PDS5B: variants seen among roughly 807,000 people sequenced by gnomAD.
PDS5B encodes sister chromatid cohesion protein PDS5 homolog B.
Under a neutral mutation model 184.1 loss-of-function variants are expected in PDS5B, and 51 were observed. The observed-to-expected ratio is 0.28, with a 90% CI of 0.22 to 0.35. PDS5B has a LOEUF of 0.35. Ranked by LOEUF, PDS5B falls within the 10% of genes least tolerant of loss-of-function variation. PDS5B has a pLI of 1.00. For synonymous variants in PDS5B, 566 were observed against 569.2 expected, an observed-to-expected ratio of 0.99 and a Z score of 0.08; for missense variants, 1,180 against 1,723.3, an observed-to-expected ratio of 0.68 and a Z score of 5.58.
Position 32,658,340 on chromosome 13 carries a change from G to A in PDS5B, c.399+15G>A, listed in dbSNP as rs200571756. ...ATTTACTTGAGGTAAGCAATATCTT[G>A]TATCTTGAGATGACATTTTAAACTG... On this transcript the variant is annotated intron_variant, in intron 4 of 34. Transcript: ENST00000315596. 9 of 1,429,202 alleles carry A rather than the reference G, an allele frequency of 6.3e-6. No homozygotes were observed. In the East Asian group the frequency reaches 1.6e-4, roughly 25 times the overall value. 88.5% of individuals were successfully genotyped at this position (1,429,202 alleles called of 1,614,324 possible). A position where few individuals can be genotyped will look rare whatever the true frequency, so the allele number is the denominator to read the frequency against.
chr13:32,744,792 G>T (rs1250998098), intron 23 of PDS5B, among the ~76,000 whole-genome samples: 2 of 152,100 alleles, frequency 1.3e-5, no homozygotes, highest in Admixed American at 6.5e-5. Context: ...TACTAATGTT[G>T]GCTAGCATCC....
rs1954764029 is a variant in PDS5B at position 32,770,937 on chromosome 13, T to C, written c.4172+176T>C. 1.3e-5 allele frequency: 8 copies of C among 597,500 alleles called. No homozygotes were observed. The South Asian group carries it at 1.8e-4, about 13-fold the overall frequency. The allele number at this position is 597,500 out of a possible 1,614,324, so 37.0% of individuals were successfully genotyped here. On this transcript the variant is annotated intron_variant, in intron 33 of 34. Transcript: ENST00000315596. ...ATTGATATCTCAATAAACTATCTTG[T>C]ACATTTTTACAGGTGCAGGCAAATC... is the stretch of plus-strand genomic sequence containing the variant.
At chr13:32,765,679 C>T (rs781701726) in intron 31 of PDS5B, among the ~76,000 whole-genome samples, 3 of 152,248 alleles carry the variant, frequency 2.0e-5, no homozygotes, top group Non-Finnish European at 4.4e-5. Flanking sequence ...TCTGGGCTCA[C>T]TGCAACCTCC....
chr13:32,716,625 AGCCCCCCGCCCG>A (rs1566364721), intron 19 of PDS5B, among the ~76,000 whole-genome samples: 1 of 141,400 alleles, frequency 7.1e-6, no homozygotes, highest in African/African-American at 2.6e-5. Context: ...TGGGGGGGTC[AGCCCCCCGCCCG>A]GCCAGCCGCC....
At chr13:32,619,917 G>T (rs2058272074) in intron 1 of PDS5B, among the ~76,000 whole-genome samples, 2 of 152,028 alleles carry the variant, frequency 1.3e-5, no homozygotes, top group African/African-American at 4.8e-5. Flanking sequence ...TCCTGCTTCA[G>T]CCTCCCTCGT....
intron 21 of PDS5B, among the ~76,000 whole-genome samples, chr13:32,739,347 G>A (rs890547262): frequency 3.3e-5 from 5 of 152,018 alleles, no homozygotes; most frequent in Non-Finnish European, 5.9e-5. Flanking sequence ...TCCACAAGAT[G>A]TCTTTCCTTA....
At chr13:32,590,729 C>T (rs2057760984) in intron 1 of PDS5B, among the ~76,000 whole-genome samples, 1 of 152,076 alleles carries the variant, frequency 6.6e-6, no homozygotes. Flanking sequence ...AGGAAAGCTC[C>T]ATATCTCCAA....
chr13:32,598,077 T>C (rs969226631), intron 1 of PDS5B, among the ~76,000 whole-genome samples: 1 of 152,018 alleles, frequency 6.6e-6, no homozygotes, highest in African/African-American at 2.4e-5. Context: ...TAAATCAAAT[T>C]AATTAATTTA....
intron 11 of PDS5B, 109 bp from the exon 12 acceptor site, chr13:32,687,025 T>A: frequency 2.5e-6 from 2 of 795,294 alleles, no homozygotes; most frequent in Non-Finnish European, 4.1e-6. Flanking sequence ...ATCTGAGACT[T>A]AAAAAAATGT....
intron 15 of PDS5B, among the ~76,000 whole-genome samples, chr13:32,699,221 A>G (rs781604867): frequency 1.6e-4 from 24 of 152,232 alleles, no homozygotes; most frequent in Non-Finnish European, 3.2e-4. Flanking sequence ...CCCATGCAGT[A>G]ATGACTTACC....
At chr13:32,652,087 T>G in intron 3 of PDS5B, 80 bp downstream of exon 3, 30 of 949,814 alleles carry the variant, frequency 3.2e-5, no homozygotes, top group Non-Finnish European at 4.5e-5. Context: ...TTAAGGTATT[T>G]AGATGATTTC....
At chr13:32,719,169 A>T (rs1952582055) in intron 19 of PDS5B, among the ~76,000 whole-genome samples, 1 of 152,014 alleles carries the variant, frequency 6.6e-6, no homozygotes, top group African/African-American at 2.4e-5. Context: ...GATGGGTTGG[A>T]TTATTGTTAT....
chr13:32,614,994 A>G (rs1177108321), intron 1 of PDS5B, among the ~76,000 whole-genome samples: 2 of 152,220 alleles, frequency 1.3e-5, no homozygotes, highest in African/African-American at 2.4e-5. Context: ...ACACAAGTTT[A>G]TAAGTGGACA....
intron 1 of PDS5B, among the ~76,000 whole-genome samples, chr13:32,638,372 A>G (rs1045836327): frequency 3.3e-5 from 5 of 152,216 alleles, no homozygotes; most frequent in Non-Finnish European, 4.4e-5. Flanking sequence ...ATTTTTTGCA[A>G]TCTGCTAGTG....
intron 15 of PDS5B, 66 bp from the exon 16 acceptor site, chr13:32,699,664 A>T: frequency 1.2e-6 from 1 of 862,458 alleles, no homozygotes. Context: ...AATGAAAAAT[A>T]TTGACCTATT....
In PDS5B at chr13:32,678,691, T is replaced by G. The variant is rs559239595; in HGVS notation, c.963-144T>G. ...TCAGACATACATGTATATCAGAAAC[T>G]TTGTAAAATGGTTTGGTTCTACTTT... is the stretch of plus-strand genomic sequence containing the variant. On this transcript the variant is annotated intron_variant, in intron 9 of 34. Coordinates refer to ENST00000315596, the MANE Select transcript of PDS5B (RefSeq NM_015032.4). The G allele has an allele frequency of 8.2e-4, 478 of 584,324 alleles. 1 individual carries two copies. The highest frequency in any genetic ancestry group is 4.6e-3 in the Middle Eastern group (10 of 2,196). 36.2% of individuals were successfully genotyped at this position (584,324 alleles called of 1,614,324 possible).
chr13:32,695,634 A>C (rs912446710), intron 14 of PDS5B, among the ~76,000 whole-genome samples: 1 of 152,034 alleles, frequency 6.6e-6, no homozygotes, highest in Non-Finnish European at 1.5e-5. Flanking sequence ...ACATCCAGGT[A>C]GTATGTTAAG....
At chr13:32,699,555 A>T (rs1197244912) in intron 15 of PDS5B, among the ~76,000 whole-genome samples, 175 bp from the exon 16 acceptor site, 5 of 152,182 alleles carry the variant, frequency 3.3e-5, no homozygotes, top group Non-Finnish European at 7.3e-5. Flanking sequence ...TCTAGAAAAT[A>T]TATTTTTATG....
At chr13:32,692,129 T>C (rs776636889) in intron 13 of PDS5B, among the ~76,000 whole-genome samples, 14 of 152,114 alleles carry the variant, frequency 9.2e-5, no homozygotes, top group Non-Finnish European at 1.9e-4. Context: ...AGAACTTGTT[T>C]GGTTAGAATT....
Sources: gnomAD v4.1 joint callset for allele counts (sites outside exome capture counted in the v4.1 genomes callset) on GRCh38, gnomAD v4.1.1 for gene constraint, MANE v1.5 for transcripts, NCBI Gene and HGNC (gene_info 2026-07-23, HGNC 2026-07-21) for gene names.